GALNT10: variants seen among roughly 807,000 people sequenced by gnomAD.
The protein encoded by GALNT10 is GalNAc transferase 10.
In GALNT10, 41 loss-of-function variants were observed where a neutral mutation model predicts 75.0. The observed-to-expected ratio is 0.55, with a 90% CI of 0.43 to 0.71. The LOEUF is 0.71. Among genes scored for constraint, GALNT10 ranks in the 30% least tolerant of loss-of-function variants. GALNT10 has a pLI of 0.00. For synonymous variants in GALNT10, 302 were observed against 313.0 expected (o/e 0.96, Z 0.37); for missense variants, 727 against 818.5 (o/e 0.89, Z 1.36).
chr5:154,232,598 C>CT (rs1371324155), intron 1 of GALNT10, among the ~76,000 whole-genome samples: 1 of 152,112 alleles, frequency 6.6e-6, no homozygotes, highest in Admixed American at 6.6e-5. Flanking sequence ...AAAGGTTTCT[C>CT]TTAAGATATG....
At chr5:154,210,483 T>C (rs1389661855) in intron 1 of GALNT10, among the ~76,000 whole-genome samples, 1 of 152,206 alleles carries the variant, frequency 6.6e-6, no homozygotes, top group East Asian at 1.9e-4. Context: ...AAGAGAACTT[T>C]CTGACCCCCT....
At chr5:154,238,296 TA>T (rs35232140) in intron 1 of GALNT10, among the ~76,000 whole-genome samples, 68,940 of 145,134 alleles carry the variant, frequency 0.48, 16,016 homozygotes, top group East Asian at 0.76. Flanking sequence ...TTTTAAATGT[TA>T]AAAAAAAAAA....
intron 1 of GALNT10, among the ~76,000 whole-genome samples, chr5:154,200,688 G>A (rs2113641751): frequency 6.6e-6 from 1 of 152,176 alleles, no homozygotes; most frequent in South Asian, 2.1e-4. Context: ...TGGATTTGTG[G>A]TTATTTTATT....
chr5:154,203,776 A>ATC (rs1775063642), intron 1 of GALNT10, among the ~76,000 whole-genome samples: 1 of 152,178 alleles, frequency 6.6e-6, no homozygotes, highest in Admixed American at 6.5e-5. Context: ...GGAAGAAGAG[A>ATC]TCCCAGAGCT....
At chr5:154,330,773 G>A (rs1338123625) in intron 4 of GALNT10, among the ~76,000 whole-genome samples, 1 of 152,208 alleles carries the variant, frequency 6.6e-6, no homozygotes, top group Non-Finnish European at 1.5e-5. Flanking sequence ...AAGCAGTGAA[G>A]AGAGGGAGTA....
intron 4 of GALNT10, among the ~76,000 whole-genome samples, chr5:154,360,279 G>A (rs542243611): frequency 2.6e-5 from 4 of 151,908 alleles, no homozygotes; most frequent in African/African-American, 9.7e-5. Context: ...GTGAAACCCT[G>A]TCTCTACTAA....
intron 1 of GALNT10, among the ~76,000 whole-genome samples, chr5:154,257,232 T>C (rs2113021025): frequency 6.6e-6 from 1 of 152,310 alleles, no homozygotes; most frequent in East Asian, 1.9e-4. Context: ...CAAAGCTACT[T>C]ATCTAGCCAG....
At chr5:154,294,006 C>T (rs1754237595) in intron 1 of GALNT10, among the ~76,000 whole-genome samples, 1 of 152,106 alleles carries the variant, frequency 6.6e-6, no homozygotes, top group African/African-American at 2.4e-5. Context: ...AGGATGAACA[C>T]AAGTGTAAAA....
Position 154,386,376 on chromosome 5 carries a change from G to C in GALNT10, c.1002G>C (p.Gly334=). ...VDRKWFWELG[G]YDPGLEIWGG... ...GGAAGTGGTTCTGGGAACTCGGCGG[G>C]TATGACCCAGGCTTGGAGATCTGGG... Residue 334 remains glycine (G), a synonymous_variant, in exon 7 of 12, where the codon GGG becomes GGC. Transcript: ENST00000297107. 1 of 1,614,080 alleles carries C rather than the reference G, an allele frequency of 6.2e-7. No homozygotes were observed. The highest frequency in any genetic ancestry group is 8.5e-7 in the Non-Finnish European group (1 of 1,179,984).
intron 4 of GALNT10, among the ~76,000 whole-genome samples, chr5:154,335,560 C>T (rs556185927): frequency 6.6e-6 from 1 of 152,192 alleles, no homozygotes; most frequent in South Asian, 2.1e-4. Flanking sequence ...GTGGGAAATG[C>T]AGGAAGAGCC....
intron 1 of GALNT10, among the ~76,000 whole-genome samples, chr5:154,222,308 C>G (rs1434486071): frequency 6.7e-6 from 1 of 150,368 alleles, no homozygotes; most frequent in East Asian, 2.0e-4. Context: ...ACAGTGCATT[C>G]TTTATTGCTG....
chr5:154,372,730 C>T (rs1036217937), intron 4 of GALNT10, among the ~76,000 whole-genome samples: 4 of 152,094 alleles, frequency 2.6e-5, no homozygotes, highest in Non-Finnish European at 4.4e-5. Context: ...CGAGGTCCGA[C>T]ACATGGACCT....
intron 3 of GALNT10, among the ~76,000 whole-genome samples, chr5:154,321,048 A>C (rs903939336): frequency 6.6e-6 from 1 of 152,212 alleles, no homozygotes; most frequent in African/African-American, 2.4e-5. Context: ...ATTATCAGAC[A>C]TACAGAAAAA....
intron 1 of GALNT10, among the ~76,000 whole-genome samples, chr5:154,199,498 A>T (rs1372897841): frequency 6.6e-6 from 1 of 152,136 alleles, no homozygotes; most frequent in African/African-American, 2.4e-5. Context: ...TATCTGATGC[A>T]AGCAGATCAG....
chr5:154,277,948 C>T (rs777207078), intron 1 of GALNT10, among the ~76,000 whole-genome samples: 3 of 151,898 alleles, frequency 2.0e-5, no homozygotes, highest in Non-Finnish European at 4.4e-5. Flanking sequence ...AAATCATTGT[C>T]TTTTATGATA....
intron 1 of GALNT10, among the ~76,000 whole-genome samples, chr5:154,197,055 T>C (rs779656714): frequency 1.3e-5 from 2 of 152,082 alleles, no homozygotes; most frequent in African/African-American, 2.4e-5. Context: ...AGTCTGGAGG[T>C]CTGTGTTCTC....
At chr5:154,276,750 A>T (rs1753959446) in intron 1 of GALNT10, among the ~76,000 whole-genome samples, 1 of 152,194 alleles carries the variant, frequency 6.6e-6, no homozygotes, top group Non-Finnish European at 1.5e-5. Context: ...TTAAGTGGTA[A>T]CTTCCAAAAA....
At chr5:154,355,915 A>G (rs1024275565) in intron 4 of GALNT10, among the ~76,000 whole-genome samples, 1 of 152,096 alleles carries the variant, frequency 6.6e-6, no homozygotes, top group Admixed American at 6.5e-5. Flanking sequence ...AGCTAGGTCT[A>G]CACCAAGGCA....
chr5:154,347,042 C>T (rs6896601), intron 4 of GALNT10: 29,900 of 394,132 alleles, frequency 0.076, 1,341 homozygotes, highest in Middle Eastern at 0.13. Context: ...CATTGAAGAT[C>T]CCAAACTTAA....
Sources: gnomAD v4.1 joint callset for allele counts (sites outside exome capture counted in the v4.1 genomes callset) on GRCh38, gnomAD v4.1.1 for gene constraint, MANE v1.5 for transcripts, NCBI Gene and HGNC (gene_info 2026-07-23, HGNC 2026-07-21) for gene names.